COL23A1: variants seen among roughly 807,000 people sequenced by gnomAD.
The protein encoded by COL23A1 is collagen alpha-1(XXIII) chain.
Under a neutral mutation model 99.3 loss-of-function variants are expected in COL23A1, and 97 were observed. That is an observed-to-expected ratio of 0.98 (90% CI 0.83 to 1.16). The LOEUF is 1.16. Ranked by LOEUF, COL23A1 falls within the 50% of genes most tolerant of loss-of-function variation. The pLI is 0.00. For missense variants in COL23A1, 762 were observed against 757.4 expected, an observed-to-expected ratio of 1.01 and a Z score of -0.07; for synonymous variants, 320 against 308.2, an observed-to-expected ratio of 1.04 and a Z score of -0.40.
At chr5:178,539,006 T>C (rs1283146338) in intron 2 of COL23A1, among the ~76,000 whole-genome samples, 1 of 152,170 alleles carries the variant, frequency 6.6e-6, no homozygotes, top group Admixed American at 6.5e-5. Context: ...TCCATTTCCA[T>C]GAGATGTCCG....
chr5:178,440,836 C>T (rs1233611395), intron 2 of COL23A1, among the ~76,000 whole-genome samples: 5 of 152,048 alleles, frequency 3.3e-5, no homozygotes, highest in Admixed American at 6.6e-5. Context: ...AGGCCGGTCT[C>T]GGACTCCTGA....
intron 2 of COL23A1, among the ~76,000 whole-genome samples, chr5:178,354,729 C>T (rs780954093): frequency 9.9e-5 from 15 of 152,092 alleles, no homozygotes; most frequent in South Asian, 6.2e-4. Flanking sequence ...CTATGCTTCC[C>T]GTACAGACTG....
At chr5:178,377,324 CCTTCCTTTTCCAAGGGAAGG>C (rs1763125120) in intron 2 of COL23A1, among the ~76,000 whole-genome samples, 1 of 152,126 alleles carries the variant, frequency 6.6e-6, no homozygotes, top group Admixed American at 6.5e-5. Flanking sequence ...GTGTGTTCCT[CCTTCCTTTTCCAAGGGAAGG>C]CATGAACTGC....
intron 2 of COL23A1, among the ~76,000 whole-genome samples, chr5:178,485,289 T>C (rs951266317): frequency 3.3e-5 from 5 of 150,822 alleles, no homozygotes; most frequent in African/African-American, 9.8e-5. Flanking sequence ...CTGGCCAACA[T>C]AGCAAAACCC....
chr5:178,419,034 T>C (rs1483822419), intron 2 of COL23A1, among the ~76,000 whole-genome samples: 1 of 152,292 alleles, frequency 6.6e-6, no homozygotes, highest in Non-Finnish European at 1.5e-5. Flanking sequence ...CAAGAAACAC[T>C]TGTGGAATGA....
At chr5:178,500,866 C>T (rs1758489027) in intron 2 of COL23A1, among the ~76,000 whole-genome samples, 1 of 151,832 alleles carries the variant, frequency 6.6e-6, no homozygotes, top group African/African-American at 2.4e-5. Flanking sequence ...CAGATAAGTG[C>T]AACTAGATTA....
chr5:178,368,439 C>T (rs773369988), intron 2 of COL23A1, among the ~76,000 whole-genome samples: 2 of 152,180 alleles, frequency 1.3e-5, no homozygotes, highest in South Asian at 2.1e-4. Context: ...CCCACACTGA[C>T]GAGTCATCAC....
intron 27 of COL23A1, among the ~76,000 whole-genome samples, chr5:178,239,894 C>T (rs894237891): frequency 7.4e-6 from 1 of 135,458 alleles, no homozygotes; most frequent in Non-Finnish European, 1.5e-5. Context: ...CTGGGTCCTG[C>T]TGAGAGCCGT....
At chr5:178,574,825 C>G (rs1225141806) in intron 1 of COL23A1, among the ~76,000 whole-genome samples, 1 of 152,184 alleles carries the variant, frequency 6.6e-6, no homozygotes, top group Non-Finnish European at 1.5e-5. Flanking sequence ...AGGACACCAT[C>G]CACCTGACTT....
Position 178,384,052 on chromosome 5 carries a change from G to C in COL23A1, c.362-77133C>G, listed in dbSNP as rs1023276015. Reference sequence around the variant, plus strand: ...TCCACCAGGCGGCCTGTGCAAGCCTGGGCTGCATCTCCTGCCACGGCCAGG... The same window carrying C: ...TCCACCAGGCGGCCTGTGCAAGCCTCGGCTGCATCTCCTGCCACGGCCAGG... On this transcript the variant is annotated intron_variant, in intron 2 of 28. Transcript: ENST00000390654. This position sits in a 1 kb window ranked among gnomAD's most constrained non-coding sequence, Gnocchi z 5.5. 2.0e-5 allele frequency among the ~76,000 whole-genome samples: 3 copies of C among 152,196 alleles called. No individual in the cohort carries two copies. Among genetic ancestry groups the C allele is most frequent in the African/African-American group, 7.2e-5 (3 of 41,452 alleles).
intron 2 of COL23A1, among the ~76,000 whole-genome samples, chr5:178,486,499 G>A (rs1408190221): frequency 5.9e-5 from 9 of 152,116 alleles, no homozygotes; most frequent in African/African-American, 4.8e-5. Context: ...GCAAAAAGCC[G>A]AACGGTTACT....
intron 2 of COL23A1, among the ~76,000 whole-genome samples, chr5:178,318,887 G>A (rs1759125423): frequency 7.0e-6 from 1 of 142,092 alleles, no homozygotes; most frequent in African/African-American, 2.7e-5. Flanking sequence ...GGGCGATACA[G>A]CAAGACTTCA....
chr5:178,398,843 G>A (rs758316389), intron 2 of COL23A1, among the ~76,000 whole-genome samples: 1 of 152,156 alleles, frequency 6.6e-6, no homozygotes, highest in Non-Finnish European at 1.5e-5. Flanking sequence ...CATGTCTCTC[G>A]TTAGGCTGTG....
In COL23A1 at chr5:178,404,222, C is replaced by T. The variant is rs553192104; in HGVS notation, c.362-97303G>A. 2.8e-4 allele frequency among the ~76,000 whole-genome samples: 42 copies of T among 152,324 alleles called. No individual in the cohort carries two copies. The South Asian group carries it at 5.0e-3, about 18-fold the overall frequency. Reference sequence around the variant, plus strand: ...AGATCCCCTTGTGGGGTACCATGCCCATCACAAGGAGTGGCCACACCTTAG... The same window carrying T: ...AGATCCCCTTGTGGGGTACCATGCCTATCACAAGGAGTGGCCACACCTTAG... On this transcript the variant is annotated intron_variant, in intron 2 of 28. Coordinates refer to ENST00000390654, the MANE Select transcript of COL23A1 (RefSeq NM_173465.4).
intron 1 of COL23A1, among the ~76,000 whole-genome samples, chr5:178,586,427 C>G (rs1395477133): frequency 3.3e-5 from 5 of 152,104 alleles, no homozygotes; most frequent in African/African-American, 1.2e-4. Flanking sequence ...TGCTCTGCCT[C>G]TGGTATAAAT....
At chr5:178,444,263 A>G (rs1767043430) in intron 2 of COL23A1, among the ~76,000 whole-genome samples, 1 of 152,122 alleles carries the variant, frequency 6.6e-6, no homozygotes, top group South Asian at 2.1e-4. Flanking sequence ...ATCCCCCCCA[A>G]ATATCTAGGT....
At chr5:178,420,296 C>T (rs1021566876) in intron 2 of COL23A1, among the ~76,000 whole-genome samples, 6 of 152,026 alleles carry the variant, frequency 3.9e-5, no homozygotes, top group African/African-American at 4.8e-5. Flanking sequence ...GGGCAGCACT[C>T]GTGCCAGCAC....
intron 2 of COL23A1, among the ~76,000 whole-genome samples, chr5:178,550,823 T>TG (rs1419935954): frequency 6.6e-6 from 1 of 152,170 alleles, no homozygotes; most frequent in Non-Finnish European, 1.5e-5. Flanking sequence ...TTGGCCAAGC[T>TG]GGGGTCAAGA....
At chr5:178,260,188 A>G (rs58829798) in intron 11 of COL23A1, among the ~76,000 whole-genome samples, 20,643 of 152,224 alleles carry the variant, frequency 0.14, 1,759 homozygotes, top group African/African-American at 0.25. Context: ...GGGAAACCAC[A>G]TCCACGTGAA....
Sources: allele counts gnomAD v4.1 joint callset (sites outside exome capture counted in the v4.1 genomes callset), GRCh38; gene constraint gnomAD v4.1.1; non-coding constraint Gnocchi (gnomAD v3.1); transcripts MANE v1.5; gene names NCBI Gene and HGNC (gene_info 2026-07-23, HGNC 2026-07-21).